Variants in DGKB observed in about 807,000 individuals in gnomAD.
The protein encoded by DGKB is 90 kDa diacylglycerol kinase.
A neutral mutation model predicts 114.3 loss-of-function variants in DGKB; 67 were observed. The observed-to-expected ratio is 0.59, with a 90% CI of 0.48 to 0.72. The LOEUF is 0.72. DGKB is among the 30% of genes least tolerant of loss of function. The pLI is 0.00. For synonymous variants in DGKB, 398 were observed against 323.1 expected, an observed-to-expected ratio of 1.23 and a Z score of -2.49; for missense variants, 907 against 975.2, an observed-to-expected ratio of 0.93 and a Z score of 0.93.
chr7:14,887,988 T>C (rs576861249), intron 1 of DGKB, among the ~76,000 whole-genome samples: 2 of 151,800 alleles, frequency 1.3e-5, no homozygotes, highest in East Asian at 3.9e-4. Flanking sequence ...CCAATACCTG[T>C]TGAATGGGAG....
chr7:14,440,804 T>G (rs536256863), intron 21 of DGKB, among the ~76,000 whole-genome samples: 1 of 152,308 alleles, frequency 6.6e-6, no homozygotes, highest in South Asian at 2.1e-4. Flanking sequence ...CAAGTTGCTC[T>G]TCAAAGTGTT....
intron 1 of DGKB, among the ~76,000 whole-genome samples, chr7:14,886,761 A>C (rs1483717185): frequency 6.6e-6 from 1 of 151,840 alleles, no homozygotes; most frequent in Non-Finnish European, 1.5e-5. Context: ...TTGCAGCTAG[A>C]GTAATCCCAT....
intron 1 of DGKB, among the ~76,000 whole-genome samples, chr7:14,910,210 C>A (rs531521109): frequency 6.7e-6 from 1 of 148,876 alleles, no homozygotes; most frequent in East Asian, 2.0e-4. Context: ...CATTGCACTC[C>A]AGCCTAGGTG....
At chr7:14,658,674 A>G (rs1816355994) in intron 13 of DGKB, among the ~76,000 whole-genome samples, 1 of 151,886 alleles carries the variant, frequency 6.6e-6, no homozygotes, top group Admixed American at 6.6e-5. Flanking sequence ...TATTACATGT[A>G]CCCCATAAAC....
chr7:14,885,516 GAGA>G (rs779660792), intron 1 of DGKB, among the ~76,000 whole-genome samples: 2 of 151,802 alleles, frequency 1.3e-5, no homozygotes, highest in African/African-American at 2.4e-5. Context: ...ACTGCTATGA[GAGA>G]AGAAGGAGAA....
chr7:14,525,956 TTACA>T (rs1299205049), intron 20 of DGKB, among the ~76,000 whole-genome samples: 1 of 152,134 alleles, frequency 6.6e-6, no homozygotes, highest in Non-Finnish European at 1.5e-5. Flanking sequence ...GTATGACATT[TTACA>T]TATGCTGAAA....
At chr7:14,859,492 A>G (rs990379502) in intron 1 of DGKB, among the ~76,000 whole-genome samples, 2 of 152,134 alleles carry the variant, frequency 1.3e-5, no homozygotes, top group Admixed American at 1.3e-4. Context: ...GTACAGGGGA[A>G]CACTGCACTC....
In DGKB at chr7:14,524,105, G is replaced by A. The variant is rs566357589; in HGVS notation, c.1771-45880C>T. On this transcript the variant is annotated intron_variant, in intron 20 of 25. Transcript: ENST00000402815. ...AATGTTTGTTTAACATATATTTAACGAATACTGAGAAACTCATTGTCTAAT... is the reference window on the plus strand; with the variant it reads ...AATGTTTGTTTAACATATATTTAACAAATACTGAGAAACTCATTGTCTAAT... Among the ~76,000 whole-genome samples, 5 of 151,986 alleles carry A rather than the reference G, an allele frequency of 3.3e-5. No individual in the cohort carries two copies. In the South Asian group the frequency reaches 1.0e-3, roughly 32 times the overall value.
chr7:14,652,927 G>A (rs7385587), intron 13 of DGKB, among the ~76,000 whole-genome samples: 79,719 of 151,322 alleles, frequency 0.53, 22,785 homozygotes, highest in Admixed American at 0.67. Flanking sequence ...CTGGCCATCA[G>A]AGAAATGCAA....
chr7:14,544,645 C>A (rs1793996463), intron 20 of DGKB, among the ~76,000 whole-genome samples: 1 of 151,926 alleles, frequency 6.6e-6, no homozygotes. Flanking sequence ...TATTATTTTT[C>A]AAAGAAAAAA....
chr7:14,667,597 C>T (rs1238524468), intron 13 of DGKB, among the ~76,000 whole-genome samples: 1 of 151,976 alleles, frequency 6.6e-6, no homozygotes, highest in African/African-American at 2.4e-5. Context: ...ACCAAAACAA[C>T]ATGATATATG....
intron 1 of DGKB, among the ~76,000 whole-genome samples, chr7:14,862,148 C>T (rs931960022): frequency 1.3e-5 from 2 of 151,886 alleles, no homozygotes; most frequent in African/African-American, 4.8e-5. Flanking sequence ...CCCAGCTTCA[C>T]CGAGGTAAAA....
chr7:14,974,247 C>A (rs1381156762), intron 1 of DGKB, among the ~76,000 whole-genome samples: 1 of 151,996 alleles, frequency 6.6e-6, no homozygotes, highest in East Asian at 1.9e-4. Context: ...CTAATATTTT[C>A]TTTCTGTGGT....
intron 4 of DGKB, 94 bp downstream of exon 4, chr7:14,753,834 G>A: frequency 2.4e-6 from 2 of 823,146 alleles, no homozygotes; most frequent in Non-Finnish European, 4.1e-6. Flanking sequence ...TATTGGTACA[G>A]AAGTATAGTT....
intron 21 of DGKB, among the ~76,000 whole-genome samples, chr7:14,421,908 C>G (rs1332952958): frequency 2.0e-5 from 3 of 151,902 alleles, no homozygotes; most frequent in African/African-American, 7.2e-5. Context: ...AATATCTCAC[C>G]ATGTTTCCAT....
At chr7:14,924,374 C>T (rs1262499691) in intron 1 of DGKB, among the ~76,000 whole-genome samples, 1 of 152,080 alleles carries the variant, frequency 6.6e-6, no homozygotes, top group Non-Finnish European at 1.5e-5. Flanking sequence ...AAATTGGTTT[C>T]TCTTTTTAGT....
intron 23 of DGKB, among the ~76,000 whole-genome samples, chr7:14,195,153 C>T (rs989756940): frequency 3.3e-5 from 5 of 152,064 alleles, no homozygotes; most frequent in Admixed American, 6.6e-5. Context: ...AGTTTGTTCT[C>T]GTTAAGCTTT....
intron 21 of DGKB, among the ~76,000 whole-genome samples, chr7:14,401,977 CA>C (rs1823177966): frequency 2.1e-5 from 3 of 145,048 alleles, no homozygotes; most frequent in Middle Eastern, 3.4e-3. Flanking sequence ...CACACACACA[CA>C]CACACACACC....
At chr7:14,563,314 C>T (rs4721348) in intron 20 of DGKB, among the ~76,000 whole-genome samples, 48,345 of 152,012 alleles carry the variant, frequency 0.32, 8,963 homozygotes, top group South Asian at 0.47. Context: ...TTACTATTTA[C>T]TTGTGGAAAT....
Sources: allele counts gnomAD v4.1 joint callset (sites outside exome capture counted in the v4.1 genomes callset), GRCh38; gene constraint gnomAD v4.1.1; transcripts MANE v1.5; gene names NCBI Gene and HGNC (gene_info 2026-07-23, HGNC 2026-07-21).